Variants in PSMD9 observed in about 807,000 individuals in gnomAD.
The protein encoded by PSMD9 is proteasome 26S subunit, non-ATPase 9, also known as 26S proteasome non-ATPase regulatory subunit 9.
A neutral mutation model predicts 25.9 loss-of-function variants in PSMD9; 26 were observed. That is an observed-to-expected ratio of 1.00 (90% CI 0.73 to 1.39). The LOEUF (loss-of-function observed/expected upper bound fraction) is 1.39. Ranked by LOEUF, PSMD9 falls within the 40% of genes most tolerant of loss-of-function variation. The pLI is 0.00. For missense variants in PSMD9, 303 were observed against 299.3 expected (o/e 1.01, Z -0.09); for synonymous variants, 110 against 114.5 (o/e 0.96, Z 0.25).
At chr12:121,889,169 A>C (rs1241159720) in intron 1 of PSMD9, among the ~76,000 whole-genome samples, 175 bp downstream of exon 1, 3 of 152,254 alleles carry the variant, frequency 2.0e-5, no homozygotes, top group Non-Finnish European at 4.4e-5. Flanking sequence ...AACTTTAGCA[A>C]CTGAAGAGTT....
At chr12:121,893,565 CCTT>C (rs1475117809) in intron 1 of PSMD9, among the ~76,000 whole-genome samples, 1 of 152,188 alleles carries the variant, frequency 6.6e-6, no homozygotes, top group Non-Finnish European at 1.5e-5. Flanking sequence ...AGGGTTGGCT[CCTT>C]CTGCAGGCTC....
chr12:121,909,794 A>C (rs1043219428), intron 4 of PSMD9, among the ~76,000 whole-genome samples: 1 of 152,086 alleles, frequency 6.6e-6, no homozygotes, highest in African/African-American at 2.4e-5. Context: ...CCAGCCTCCC[A>C]TGTTCGACAT....
At chr12:121,910,083 CTTTTTTTT>C (rs34940246) in intron 4 of PSMD9, among the ~76,000 whole-genome samples, 1 of 95,564 alleles carries the variant, frequency 1.0e-5, no homozygotes, top group South Asian at 3.8e-4. Flanking sequence ...TAGGAAATGA[CTTTTTTTT>C]TTTTTTTTTT....
chr12:121,893,373 C>T (rs1260346377), intron 1 of PSMD9, among the ~76,000 whole-genome samples: 4 of 150,444 alleles, frequency 2.7e-5, no homozygotes, highest in Admixed American at 2.0e-4. Flanking sequence ...AATCCCTCTT[C>T]TCAGTGCCTG....
Position 121,888,907 on chromosome 12 carries a change from C to CG in PSMD9, c.52dup (p.Val18GlyfsTer25). ...GCGGAGGCTCCTCGCAGGCCGGCGT[C>CG]GTGACTGTCAGCGACGTCCAGGAGC... On this transcript the variant is annotated frameshift_variant, in exon 1 of 6. Coordinates refer to ENST00000541212, the MANE Select transcript of PSMD9 (RefSeq NM_002813.7). LOFTEE classifies it high-confidence loss of function. 1 of 1,597,570 alleles carries CG rather than the reference C, an allele frequency of 6.3e-7. No homozygotes were observed.
chr12:121,898,400 T>C (rs1879293112), intron 2 of PSMD9: 1 of 152,168 alleles, frequency 6.6e-6, no homozygotes, highest in Non-Finnish European at 1.5e-5. Context: ...TCTGGAAAAA[T>C]CAAAGATTTT....
chr12:121,898,055 T>C (rs1051524178), intron 2 of PSMD9: 5 of 152,150 alleles, frequency 3.3e-5, no homozygotes, highest in African/African-American at 1.2e-4. Context: ...GGGGAGGGCT[T>C]TTCTAGTGAA....
intron 4 of PSMD9, chr12:121,910,872 C>T: frequency 2.3e-6 from 1 of 440,406 alleles, no homozygotes; most frequent in Non-Finnish European, 4.6e-6. Context: ...ATCTCCAAAA[C>T]TTTTTCACCC....
chr12:121,895,053 T>A (rs75734597), intron 2 of PSMD9, among the ~76,000 whole-genome samples: 3 of 148,904 alleles, frequency 2.0e-5, no homozygotes, highest in African/African-American at 7.4e-5. Flanking sequence ...TCTCTCTCTC[T>A]TTTTTTTTTG....
At chr12:121,915,820 G>A (rs768193894) in intron 4 of PSMD9, 36 bp from the exon 5 acceptor site, 23 of 1,559,102 alleles carry the variant, frequency 1.5e-5, no homozygotes, top group East Asian at 2.3e-5. Context: ...GAGTACTAAC[G>A]AGGCTGAACA....
rs1879977431 is a variant in PSMD9 at position 121,918,071 on chromosome 12, G to A, written c.*1760G>A. The A allele has an allele frequency of 1.3e-5, 2 of 152,290 alleles. No homozygotes were observed. The highest frequency in any genetic ancestry group is 6.5e-5 in the Admixed American group (1 of 15,284). The allele number at this position is 152,290 out of a possible 1,614,324, so 9.4% of individuals were successfully genotyped here. On this transcript the variant is annotated 3_prime_UTR_variant, in exon 6 of 6. Transcript: ENST00000541212. The surrounding 1 kb of genome is among the most constrained non-coding windows in gnomAD (Gnocchi z 4.3). Reference sequence around the variant, plus strand: ...TGTTGCCGTCTTCCATGAGATGTTAGTGGAGAGCCACTTTGACGTGGAATG... The same window carrying A: ...TGTTGCCGTCTTCCATGAGATGTTAATGGAGAGCCACTTTGACGTGGAATG...
At chr12:121,916,046 G>A (rs907830932) in intron 5 of PSMD9, 102 bp downstream of exon 5, 2 of 1,308,686 alleles carry the variant, frequency 1.5e-6, no homozygotes, top group Non-Finnish European at 2.2e-6. Flanking sequence ...GGAATAATGG[G>A]AATCCCCAGT....
chr12:121,888,962 C>CA lies in PSMD9; in HGVS notation c.107dup (p.Ile37AspfsTer6). The CA allele has an allele frequency of 6.3e-7, 1 of 1,590,738 alleles. No homozygotes were observed. The highest frequency in any genetic ancestry group is 8.6e-7 in the Non-Finnish European group (1 of 1,169,124). ...GCGGCGCAAGGAGGAGATAGAAGCG[C>CA]AGATCAAGGCCAACTATGACGTGCT... On this transcript the variant is annotated frameshift_variant, in exon 1 of 6. Transcript: ENST00000541212. LOFTEE classifies it high-confidence loss of function.
At chr12:121,909,828 C>T (rs1163665215) in intron 4 of PSMD9, among the ~76,000 whole-genome samples, 3 of 152,088 alleles carry the variant, frequency 2.0e-5, no homozygotes, top group South Asian at 2.1e-4. Context: ...AGTGTTTGGC[C>T]GTAACAAACA....
chr12:121,915,751 A>G, intron 4 of PSMD9, 105 bp from the exon 5 acceptor site: 1 of 996,414 alleles, frequency 1.0e-6, no homozygotes, highest in Non-Finnish European at 1.5e-6. Flanking sequence ...CTGCAAATGT[A>G]AATCTTTACC....
intron 3 of PSMD9, among the ~76,000 whole-genome samples, chr12:121,900,611 C>G (rs546386819): frequency 2.7e-5 from 4 of 150,158 alleles, no homozygotes; most frequent in African/African-American, 9.8e-5. Context: ...AAAATTTACC[C>G]ATTTAAAGTC....
chr12:121,897,068 A>T (rs748402442), intron 2 of PSMD9, among the ~76,000 whole-genome samples: 3 of 152,034 alleles, frequency 2.0e-5, no homozygotes, highest in Non-Finnish European at 4.4e-5. Flanking sequence ...TGTAACCAAG[A>T]TTTCACTTTT....
chr12:121,910,035 G>C (rs1244395378), intron 4 of PSMD9, among the ~76,000 whole-genome samples: 2 of 147,146 alleles, frequency 1.4e-5, no homozygotes, highest in African/African-American at 5.0e-5. Context: ...CTATGTTACA[G>C]TCTTTGGCAA....
rs1878970541 is a variant in PSMD9 at position 121,888,922 on chromosome 12, C to T, written c.66C>T (p.Asp22=). ...AGGCCGGCGTCGTGACTGTCAGCGA[C>T]GTCCAGGAGCTGATGCGGCGCAAGG... is the stretch of plus-strand genomic sequence containing the variant. ...SSQAGVVTVS[D]VQELMRRKEE... Residue 22 remains aspartate, a synonymous_variant, in exon 1 of 6, where the codon GAC becomes GAT. Coordinates refer to ENST00000541212, the MANE Select transcript of PSMD9 (RefSeq NM_002813.7). The T allele has an allele frequency of 6.3e-7, 1 of 1,595,582 alleles. No homozygotes were observed. Among genetic ancestry groups the T allele is most frequent in the East Asian group, 2.3e-5 (1 of 44,304 alleles).
Sources: allele counts gnomAD v4.1 joint callset (sites outside exome capture counted in the v4.1 genomes callset), GRCh38; gene constraint gnomAD v4.1.1; non-coding constraint Gnocchi (gnomAD v3.1); transcripts MANE v1.5; gene names NCBI Gene and HGNC (gene_info 2026-07-23, HGNC 2026-07-21).